The following ABCA13 variants were observed in gnomAD, a reference collection of about 807,000 sequenced individuals.
ABCA13 encodes the protein ATP binding cassette subfamily A member 13, also known as ATP-binding cassette sub-family A member 13.
ABCA13 carries 476 observed loss-of-function variants against 478.7 expected under a neutral mutation model. The observed-to-expected ratio is 0.99, with a 90% confidence interval of 0.92 to 1.07. The LOEUF (loss-of-function observed/expected upper bound fraction) is 1.07. ABCA13 is among the 50% of genes least tolerant of loss of function. The pLI is 0.00. For synonymous variants in ABCA13, 2,252 were observed against 2,158.9 expected, an observed-to-expected ratio of 1.04 and a Z score of -1.20; for missense variants, 6,060 against 5,910.6, an observed-to-expected ratio of 1.03 and a Z score of -0.83.
chr7:48,577,897 C>T (rs1249720936), intron 55 of ABCA13, among the ~76,000 whole-genome samples: 1 of 152,010 alleles, frequency 6.6e-6, no homozygotes, highest in Non-Finnish European at 1.5e-5. Context: ...GGACTTATTC[C>T]AGATAGGCAA....
At chr7:48,379,051 G>A (rs578163485) in intron 35 of ABCA13, among the ~76,000 whole-genome samples, 24 of 152,158 alleles carry the variant, frequency 1.6e-4, no homozygotes, top group Middle Eastern at 6.8e-3. Context: ...AAAGATCAGA[G>A]TCTATTACAG....
At chr7:48,536,147 T>G (rs535473645) in intron 55 of ABCA13, among the ~76,000 whole-genome samples, 2 of 152,316 alleles carry the variant, frequency 1.3e-5, no homozygotes, top group South Asian at 4.1e-4. Flanking sequence ...CTCCTTTCCC[T>G]CTATGGTAAC....
At chr7:48,433,985 G>A (rs58343601) in intron 42 of ABCA13, among the ~76,000 whole-genome samples, 24,378 of 151,870 alleles carry the variant, frequency 0.16, 2,014 homozygotes, top group East Asian at 0.26. Flanking sequence ...GAAAATTGAT[G>A]TACAAATATC....
intron 55 of ABCA13, among the ~76,000 whole-genome samples, chr7:48,573,004 A>G (rs539907397): frequency 1.3e-5 from 2 of 152,164 alleles, no homozygotes; most frequent in East Asian, 3.9e-4. Flanking sequence ...ATTTCTATGC[A>G]GAAATTTGGT....
intron 42 of ABCA13, among the ~76,000 whole-genome samples, chr7:48,454,085 T>C (rs993652404): frequency 6.6e-6 from 1 of 152,250 alleles, no homozygotes; most frequent in African/African-American, 2.4e-5. Context: ...ATCCGTTTAG[T>C]ACATCTGTTC....
At chr7:48,420,731 C>CT (rs35346221) in intron 41 of ABCA13, among the ~76,000 whole-genome samples, 50,068 of 137,388 alleles carry the variant, frequency 0.36, 8,930 homozygotes, top group Admixed American at 0.44. Flanking sequence ...AGGGCTTGAT[C>CT]TTTTTTTTTT....
intron 23 of ABCA13, among the ~76,000 whole-genome samples, chr7:48,304,228 T>C (rs1421530658): frequency 1.3e-5 from 2 of 152,146 alleles, no homozygotes; most frequent in African/African-American, 2.4e-5. Context: ...CTGTAGATAG[T>C]AGAACTGTCA....
intron 27 of ABCA13, among the ~76,000 whole-genome samples, chr7:48,328,359 G>A (rs1427783833): frequency 1.3e-5 from 2 of 152,162 alleles, no homozygotes; most frequent in Admixed American, 6.5e-5. Context: ...CAAGTTGTCC[G>A]TGGTTTGGTG....
chr7:48,324,309 T>C (rs1803973688), intron 27 of ABCA13, among the ~76,000 whole-genome samples: 2 of 152,194 alleles, frequency 1.3e-5, no homozygotes, highest in South Asian at 4.1e-4. Flanking sequence ...ATATCCTCTT[T>C]TTATAAGGAC....
chr7:48,345,374 A>G (rs555180972), intron 29 of ABCA13, among the ~76,000 whole-genome samples: 3 of 152,194 alleles, frequency 2.0e-5, no homozygotes, highest in Non-Finnish European at 4.4e-5. Context: ...TTGCTAGCAC[A>G]GGAGATGACA....
At chr7:48,581,103 T>C (rs1788663141) in intron 56 of ABCA13, among the ~76,000 whole-genome samples, 1 of 152,178 alleles carries the variant, frequency 6.6e-6, no homozygotes, top group Non-Finnish European at 1.5e-5. Context: ...TTTCTGCACC[T>C]CATTATAGAA....
Position 48,176,698 on chromosome 7 carries a change from A to T in ABCA13, c.69+5146A>T, listed in dbSNP as rs1441153442. ...GACCTGAGTCAGCTCACCCAAACCC[A>T]GGCTGAATCCCTGCTGGGCTCTGCC... is the stretch of plus-strand genomic sequence containing the variant. On this transcript the variant is annotated intron_variant, in intron 1 of 61. Coordinates refer to ENST00000435803, the MANE Select transcript of ABCA13 (RefSeq NM_152701.5). 1.3e-5 allele frequency among the ~76,000 whole-genome samples: 2 copies of T among 152,134 alleles called. 1 individual carries two copies. Among genetic ancestry groups the T allele is most frequent in the African/African-American group, 4.8e-5 (2 of 41,426 alleles).
intron 34 of ABCA13, 106 bp from the exon 35 acceptor site, chr7:48,376,335 T>C: frequency 7.2e-7 from 1 of 1,391,658 alleles, no homozygotes. Flanking sequence ...TTGTTTTAGT[T>C]CTGTTCAACT....
At chr7:48,478,986 C>T (rs1360113785) in intron 45 of ABCA13, among the ~76,000 whole-genome samples, 44 of 143,816 alleles carry the variant, frequency 3.1e-4, no homozygotes, top group Admixed American at 6.5e-4. Context: ...CTCGCTCTGT[C>T]GCCCAGGCTG....
chr7:48,455,208 T>C lies in ABCA13; in HGVS notation c.12737T>C (p.Val4246Ala). 1 of 1,596,912 alleles carries C rather than the reference T, an allele frequency of 6.3e-7. No individual in the cohort carries two copies. The highest frequency in any genetic ancestry group is 1.7e-5 in the Admixed American group (1 of 57,898). ...GCCTTGGCCATGGGCTTGTTCATGG[T>C]GAGACCCCTGGCCACCGAGTACCCT... The part of the protein sequence containing the change: ...FVALAMGLFM[V>A]RPLATEYPPL... The change falls in exon 43 of 62, where the codon GTG becomes GCG. Residue 4246 changes from valine to alanine, a missense_variant. Physicochemically the swap from Val to Ala is moderately conservative, Grantham distance 64. Transcript: ENST00000435803.
At chr7:48,249,914 G>A (rs140810600) in intron 15 of ABCA13, among the ~76,000 whole-genome samples, 1 of 149,510 alleles carries the variant, frequency 6.7e-6, no homozygotes, top group Admixed American at 6.7e-5. Context: ...CTGTCTGCCT[G>A]GAATTAGCAT....
At chr7:48,405,398 G>A (rs11489714) in intron 39 of ABCA13, among the ~76,000 whole-genome samples, 45,603 of 152,084 alleles carry the variant, frequency 0.3, 7,116 homozygotes, top group African/African-American at 0.32. Context: ...ACCCTTCCCC[G>A]TTGCCACAAG....
chr7:48,352,529 C>T, intron 31 of ABCA13, 42 bp downstream of exon 31: 1 of 1,505,942 alleles, frequency 6.6e-7, no homozygotes, highest in Non-Finnish European at 8.9e-7. Context: ...TGAGAAGGGC[C>T]TTGCATTTGT....
intron 29 of ABCA13, among the ~76,000 whole-genome samples, chr7:48,339,635 G>A (rs1806811217): frequency 6.6e-6 from 1 of 152,224 alleles, no homozygotes; most frequent in African/African-American, 2.4e-5. Context: ...GTAAAATTAA[G>A]AGAAAGTTCC....
Sources: gnomAD v4.1 joint callset for allele counts (sites outside exome capture counted in the v4.1 genomes callset) on GRCh38, gnomAD v4.1.1 for gene constraint, MANE v1.5 for transcripts, NCBI Gene and HGNC (gene_info 2026-07-23, HGNC 2026-07-21) for gene names.